The following POLA1 variants were observed in gnomAD, a reference collection of about 807,000 sequenced individuals.
The protein encoded by POLA1 is DNA polymerase alpha 1, catalytic subunit, also known as DNA polymerase alpha catalytic subunit.
A neutral mutation model predicts 124.0 loss-of-function variants in POLA1; 15 were observed. That is an observed-to-expected ratio of 0.12 (90% confidence interval 0.08 to 0.19). POLA1 has a LOEUF of 0.19. Among genes scored for constraint, POLA1 ranks in the 10% least tolerant of loss-of-function variants. The probability of loss-of-function intolerance (pLI) is 1.00; values close to 1 mark genes in which losing one functional copy is unlikely to be tolerated. For missense variants in POLA1, 886 were observed against 1,103.4 expected, an observed-to-expected ratio of 0.80 and a Z score of 2.79; for synonymous variants, 408 against 389.4, an observed-to-expected ratio of 1.05 and a Z score of -0.56.
At chrX:24,750,187 A>G (rs974189266) in intron 26 of POLA1, among the ~76,000 whole-genome samples, 8 of 112,635 alleles carry the variant, frequency 7.1e-5, no homozygotes, top group Non-Finnish European at 1.5e-4. Context: ...GGAGGCTCAC[A>G]TGGCCCGCAA....
At chrX:24,947,895 A>G (rs1022855773) in intron 36 of POLA1, among the ~76,000 whole-genome samples, 2 of 112,371 alleles carry the variant, frequency 1.8e-5, no homozygotes, top group Non-Finnish European at 3.8e-5. Context: ...CCTGCAAGAT[A>G]TACTCTAACA....
chrX:24,935,814 G>A (rs1047769950), intron 36 of POLA1, among the ~76,000 whole-genome samples: 10 of 112,336 alleles, frequency 8.9e-5, no homozygotes, highest in East Asian at 2.8e-4. Context: ...TGTGTAACAC[G>A]AGTTCTCACA....
chrX:24,873,840 A>G (rs920691302), intron 34 of POLA1, among the ~76,000 whole-genome samples: 7 of 111,586 alleles, frequency 6.3e-5, no homozygotes, highest in African/African-American at 1.6e-4. Context: ...CCAAAATGGC[A>G]TTTTATTCTG....
Position 24,739,471 on chromosome X carries a change from C to A in POLA1, c.2137C>A (p.His713Asn), listed in dbSNP as rs751837683. 5.8e-5 allele frequency: 69 copies of A among 1,191,655 alleles called. No individual in the cohort carries two copies. The South Asian group carries it at 1.1e-3, about 20-fold the overall frequency. ...AKELIRCKSY[H>N]LSELVQQILK... Reference sequence around the variant, plus strand: ...GGAATTGATTCGTTGTAAAAGCTACCATCTGTCTGAACTTGTTCAGCAGAT... The same window carrying A: ...GGAATTGATTCGTTGTAAAAGCTACAATCTGTCTGAACTTGTTCAGCAGAT... The change falls in exon 20 of 37, where the codon CAT (histidine) becomes AAT (asparagine). Residue 713 changes from histidine (H) to asparagine (N), a missense_variant. His to Asn is a moderately conservative substitution (Grantham distance 68). Coordinates refer to ENST00000379068, the MANE Select transcript of POLA1 (RefSeq NM_001330360.2).
At chrX:24,722,565 G>GA (rs988095867) in intron 10 of POLA1, among the ~76,000 whole-genome samples, 8 of 112,538 alleles carry the variant, frequency 7.1e-5, no homozygotes, top group African/African-American at 2.6e-4. Flanking sequence ...TTTACATATA[G>GA]AAAAACACTG....
intron 36 of POLA1, among the ~76,000 whole-genome samples, chrX:24,963,644 A>G (rs2048191287): frequency 8.9e-6 from 1 of 111,960 alleles, no homozygotes; most frequent in Non-Finnish European, 1.9e-5. Flanking sequence ...TAAATAAGAT[A>G]CATGTACATA....
At chrX:24,861,027 T>C (rs2046708544) in intron 34 of POLA1, among the ~76,000 whole-genome samples, 1 of 112,638 alleles carries the variant, frequency 8.9e-6, no homozygotes, top group Non-Finnish European at 1.9e-5. Context: ...TTTTATCATG[T>C]TAAACTGCCA....
intron 26 of POLA1, among the ~76,000 whole-genome samples, chrX:24,757,631 G>A (rs1478262774): frequency 2.8e-5 from 3 of 108,728 alleles, no homozygotes; most frequent in Admixed American, 2.0e-4. Flanking sequence ...AGTAGAGACG[G>A]GGTTTCACTG....
intron 35 of POLA1, among the ~76,000 whole-genome samples, chrX:24,911,024 T>C (rs1235834714): frequency 8.9e-6 from 1 of 112,180 alleles, no homozygotes; most frequent in Non-Finnish European, 1.9e-5. Context: ...TCACACAAAT[T>C]ATATTCTTGA....
At chrX:24,988,959 C>A (rs1174166124) in intron 36 of POLA1, among the ~76,000 whole-genome samples, 1 of 111,480 alleles carries the variant, frequency 9.0e-6, no homozygotes, top group African/African-American at 3.3e-5. Flanking sequence ...AAGTGAGACT[C>A]CATCTCATAA....
At chrX:24,811,326 G>A (rs922736921) in intron 28 of POLA1, among the ~76,000 whole-genome samples, 1 of 107,771 alleles carries the variant, frequency 9.3e-6, no homozygotes, top group African/African-American at 3.4e-5. Context: ...AGGCTGGAGT[G>A]CAGTGGCGTG....
At chrX:24,973,749 T>G (rs946945026) in intron 36 of POLA1, among the ~76,000 whole-genome samples, 3 of 111,642 alleles carry the variant, frequency 2.7e-5, no homozygotes, top group African/African-American at 9.8e-5. Flanking sequence ...GCCACTGACT[T>G]TCTTTGGCGA....
At chrX:24,819,631 G>GTT (rs978700833) in intron 30 of POLA1, among the ~76,000 whole-genome samples, 1 of 109,308 alleles carries the variant, frequency 9.1e-6, no homozygotes, top group Non-Finnish European at 1.9e-5. Flanking sequence ...GTTGAGAGCT[G>GTT]TTTTTTTTTG....
intron 22 of POLA1, 42 bp downstream of exon 22, chrX:24,742,163 C>T (rs372410186): frequency 4.7e-6 from 4 of 846,694 alleles, no homozygotes; most frequent in African/African-American, 2.2e-5. Context: ...CTCTTAACCC[C>T]CCCCCCCCTT....
chrX:24,789,542 AT>A (rs768663854), intron 26 of POLA1, among the ~76,000 whole-genome samples: 3,248 of 106,778 alleles, frequency 0.03, 116 homozygotes, highest in African/African-American at 0.1. Context: ...GTGTTCATGG[AT>A]TTTTTTTTTT....
chrX:24,778,434 T>C (rs1037403566), intron 26 of POLA1, among the ~76,000 whole-genome samples: 2 of 111,762 alleles, frequency 1.8e-5, no homozygotes, highest in Non-Finnish European at 3.8e-5. Context: ...TTTCACCATG[T>C]TGGCCAGGCT....
At chrX:24,943,018 TCACTCTC>T (rs925184920) in intron 36 of POLA1, among the ~76,000 whole-genome samples, 30 of 112,415 alleles carry the variant, frequency 2.7e-4, no homozygotes, top group South Asian at 1.1e-3. Flanking sequence ...TATTCTCTCT[TCACTCTC>T]CACTCTCCAC....
intron 35 of POLA1, among the ~76,000 whole-genome samples, chrX:24,919,536 G>C (rs559475562): frequency 9.0e-6 from 1 of 111,552 alleles, no homozygotes; most frequent in Non-Finnish European, 1.9e-5. Flanking sequence ...TTGATGTTCT[G>C]TTAGGAATTT....
At chrX:24,884,058 C>A (rs2147132566) in intron 34 of POLA1, among the ~76,000 whole-genome samples, 1 of 111,719 alleles carries the variant, frequency 9.0e-6, no homozygotes, top group African/African-American at 3.2e-5. Flanking sequence ...TTGTTTTTGT[C>A]ATTTTTAAGA....
Sources: gnomAD v4.1 joint callset for allele counts (sites outside exome capture counted in the v4.1 genomes callset) on GRCh38, gnomAD v4.1.1 for gene constraint, MANE v1.5 for transcripts, NCBI Gene and HGNC (gene_info 2026-07-23, HGNC 2026-07-21) for gene names.